The following PCDHGB3 variants were observed in gnomAD, a reference collection of about 807,000 sequenced individuals.
PCDHGB3 encodes the protein protocadherin gamma-B3.
A neutral mutation model predicts 59.2 loss-of-function variants in PCDHGB3; 40 were observed. The observed-to-expected ratio is 0.68, with a 90% CI of 0.52 to 0.88. PCDHGB3 has a LOEUF of 0.88. Ranked by LOEUF, PCDHGB3 falls within the 40% of genes least tolerant of loss-of-function variation. The probability of loss-of-function intolerance (pLI) is 0.00; values close to 1 mark genes in which losing one functional copy is unlikely to be tolerated. For synonymous variants in PCDHGB3, 581 were observed against 503.6 expected (o/e 1.15, Z -2.06); for missense variants, 1,309 against 1,187.9 (o/e 1.10, Z -1.50).
intron 1 of PCDHGB3, among the ~76,000 whole-genome samples, chr5:141,464,630 T>C (rs981288560): frequency 1.3e-5 from 2 of 152,176 alleles, no homozygotes; most frequent in African/African-American, 4.8e-5. Context: ...AGCTTTTTAA[T>C]TGTTGCCAAC....
rs1374592449 is a variant in PCDHGB3 at position 141,387,964 on chromosome 5, C to T, written c.2415+15155C>T. ...CTCTTCCTGCTGTCTTTGTTCTGCC[C>T]GGCGCTCTGTGAGCAGATCCGCTAC... On this transcript the variant is annotated intron_variant, in intron 1 of 3. Transcript: ENST00000576222. 1.3e-6 allele frequency: 2 copies of T among 1,493,070 alleles called. No individual in the cohort carries two copies. The highest frequency in any genetic ancestry group is 2.2e-5 in the Admixed American group (1 of 45,422). 92.5% of individuals were successfully genotyped at this position (1,493,070 alleles called of 1,614,324 possible).
chr5:141,478,758 T>C (rs1333135263), intron 1 of PCDHGB3: 2 of 1,515,540 alleles, frequency 1.3e-6, no homozygotes, highest in South Asian at 1.3e-5. Flanking sequence ...AGGGGGAAGA[T>C]ACTTGACTCA....
intron 1 of PCDHGB3, among the ~76,000 whole-genome samples, chr5:141,446,175 G>A (rs1288608276): frequency 1.3e-5 from 2 of 152,276 alleles, no homozygotes; most frequent in Non-Finnish European, 2.9e-5. Context: ...AGGGCAGGGG[G>A]TGTTTTGTTT....
Position 141,487,613 on chromosome 5 carries a change from G to C in PCDHGB3, c.2416-7194G>C, listed in dbSNP as rs1460090760. 1 of 1,614,218 alleles carries C rather than the reference G, an allele frequency of 6.2e-7. No homozygotes were observed. ...ACCCTCTGATCTTCTCTATGGGCTA[G>C]AGGTGAGACCTTTGCAGGCTCAACA... On this transcript the variant is annotated intron_variant, in intron 1 of 3. Coordinates refer to ENST00000576222, the MANE Select transcript of PCDHGB3 (RefSeq NM_018924.5). The surrounding 1 kb of genome is among the most constrained non-coding windows in gnomAD (Gnocchi z 5.0).
rs777111805 is a variant in PCDHGB3, at chr5:141,395,298, GT to G, written c.2415+22493del. On this transcript the variant is annotated intron_variant, in intron 1 of 3. Coordinates refer to ENST00000576222, the MANE Select transcript of PCDHGB3 (RefSeq NM_018924.5). ...ATGAATTTTATTTGGCATAAATTAT[GT>G]TTTGAAAAACATTGTGAAGATAGTT... 6 of 1,522,174 alleles carry G rather than the reference GT, an allele frequency of 3.9e-6. No homozygotes were observed. The East Asian group carries it at 9.1e-5, about 23-fold the overall frequency. The allele number at this position is 1,522,174 out of a possible 1,614,324, so 94.3% of individuals were successfully genotyped here.
intron 1 of PCDHGB3, chr5:141,478,541 G>T (rs905837179): frequency 1.2e-6 from 2 of 1,605,590 alleles, no homozygotes; most frequent in Non-Finnish European, 1.7e-6. Flanking sequence ...CGCCCCTCCC[G>T]GACAGGTAAG....
intron 1 of PCDHGB3, among the ~76,000 whole-genome samples, chr5:141,448,784 C>CAA (rs576464275): frequency 4.8e-5 from 7 of 145,806 alleles, no homozygotes; most frequent in East Asian, 2.0e-4. Context: ...ACTAAAAATA[C>CAA]AAAAAAAAAA....
At chr5:141,389,681 C>G in intron 1 of PCDHGB3, 5 of 1,612,438 alleles carry the variant, frequency 3.1e-6, no homozygotes, top group Non-Finnish European at 4.2e-6. Context: ...CAGGACACAA[C>G]GCCTGGCTGT....
intron 1 of PCDHGB3, among the ~76,000 whole-genome samples, chr5:141,452,575 T>A (rs1386847800): frequency 6.6e-6 from 1 of 152,192 alleles, no homozygotes; most frequent in Non-Finnish European, 1.5e-5. Flanking sequence ...CCTTCCCCCT[T>A]TCCATCTTTG....
chr5:141,484,096 G>A (rs539388257), intron 1 of PCDHGB3, among the ~76,000 whole-genome samples: 1 of 152,126 alleles, frequency 6.6e-6, no homozygotes, highest in South Asian at 2.1e-4. Flanking sequence ...GTCTTCGTTG[G>A]TAATTAACAA....
At chr5:141,408,228 G>C (rs1233027944) in intron 1 of PCDHGB3, 2 of 1,564,122 alleles carry the variant, frequency 1.3e-6, no homozygotes, top group South Asian at 2.3e-5. Flanking sequence ...GCGCAGAGGC[G>C]CCGGGCCGGC....
chr5:141,404,835 C>T, intron 1 of PCDHGB3: 1 of 1,613,920 alleles, frequency 6.2e-7, no homozygotes, highest in Non-Finnish European at 8.5e-7. Context: ...GAAGTGCGCA[C>T]AGCTCGGGCC....
chr5:141,490,454 C>T lies in PCDHGB3; in HGVS notation c.2416-4353C>T. The T allele has an allele frequency of 3.1e-6, 5 of 1,614,176 alleles. No homozygotes were observed. The highest frequency in any genetic ancestry group is 4.2e-6 in the Non-Finnish European group (5 of 1,180,020). On this transcript the variant is annotated intron_variant, in intron 1 of 3. Transcript: ENST00000576222. The surrounding 1 kb of genome is among the most constrained non-coding windows in gnomAD (Gnocchi z 5.4). The stretch of plus-strand genomic sequence containing the variant: ...ATTAAGCCTTCTGAGAACCACTACT[C>T]GCTGCTAACCAGCCAGCCTTTGGAC...
At chr5:141,404,949 A>G in intron 1 of PCDHGB3, 1 of 1,613,834 alleles carries the variant, frequency 6.2e-7, no homozygotes, top group Non-Finnish European at 8.5e-7. Flanking sequence ...GCCATAGCTG[A>G]CAGCATCCCA....
intron 1 of PCDHGB3, chr5:141,388,015 G>A (rs2091197688): frequency 6.8e-7 from 1 of 1,467,954 alleles, no homozygotes; most frequent in South Asian, 1.3e-5. Context: ...ATGCCCAAGG[G>A]CTCCGTAGTG....
At chr5:141,466,180 A>AT (rs922532578) in intron 1 of PCDHGB3, among the ~76,000 whole-genome samples, 11 of 151,256 alleles carry the variant, frequency 7.3e-5, no homozygotes, top group South Asian at 2.1e-4. Context: ...TTTTATTTTT[A>AT]TTTTTTTTCA....
At chr5:141,426,844 A>C (rs1397752566) in intron 1 of PCDHGB3, 1 of 456,628 alleles carries the variant, frequency 2.2e-6, no homozygotes, top group Non-Finnish European at 4.4e-6. Context: ...ACTAAAGGCA[A>C]GAACGCTCCA....
chr5:141,437,306 C>T (rs1462689998), intron 1 of PCDHGB3, among the ~76,000 whole-genome samples: 1 of 152,104 alleles, frequency 6.6e-6, no homozygotes, highest in Non-Finnish European at 1.5e-5. Flanking sequence ...CAAGTTAAAG[C>T]GTTCAGCTAT....
intron 1 of PCDHGB3, chr5:141,468,586 G>C (rs1232477889): frequency 1.3e-5 from 2 of 152,176 alleles, no homozygotes; most frequent in East Asian, 1.9e-4. Context: ...GGTACTAAAG[G>C]CTGGGCGCGG....
Sources: allele counts gnomAD v4.1 joint callset (sites outside exome capture counted in the v4.1 genomes callset), GRCh38; gene constraint gnomAD v4.1.1; non-coding constraint Gnocchi (gnomAD v3.1); transcripts MANE v1.5; gene names NCBI Gene and HGNC (gene_info 2026-07-23, HGNC 2026-07-21).